The following ADAMTSL4 variants were observed in gnomAD, a reference collection of about 807,000 sequenced individuals.
ADAMTSL4 encodes the protein ADAMTS like 4, also known as ADAMTS-like protein 4.
ADAMTSL4 carries 97 observed loss-of-function variants against 122.8 expected under a neutral mutation model. That is an observed-to-expected ratio of 0.79 (90% confidence interval 0.67 to 0.93). ADAMTSL4 has a LOEUF of 0.93. ADAMTSL4 is among the 40% of genes least tolerant of loss of function. The pLI, the probability that ADAMTSL4 is intolerant of heterozygous loss-of-function variation, is 0.00. For missense variants in ADAMTSL4, 1,408 were observed against 1,453.5 expected (o/e 0.97, Z 0.51); for synonymous variants, 592 against 568.0 (o/e 1.04, Z -0.60).
At chr1:150,550,545 G>A (rs1438221670) in intron 2 of ADAMTSL4, 4 of 372,724 alleles carry the variant, frequency 1.1e-5, no homozygotes, top group Non-Finnish European at 1.6e-5. Context: ...GAGGCAGAGA[G>A]GGCATGAAGA....
chr1:150,553,975 G>A lies in ADAMTSL4; in HGVS notation c.984G>A (p.Leu328=), dbSNP rs1042529569. Residue 328 remains leucine, a synonymous_variant, in exon 6 of 19, where the codon CTG becomes CTA. Transcript: ENST00000271643. The part of the protein sequence containing the change: ...GTGGTPHGPR[L]EPDPQHPGAW... The stretch of plus-strand genomic sequence containing the variant: ...GGGGGACTCCTCACGGGCCCCGCCT[G>A]GAGCCTGACCCTCAGCACCCGGGCG... 6.2e-7 allele frequency: 1 copy of A among 1,611,172 alleles called. No individual in the cohort carries two copies. The highest frequency in any genetic ancestry group is 1.3e-5 in the African/African-American group (1 of 74,874).
In ADAMTSL4 at chr1:150,552,591, G is replaced by A. The variant is rs1300528220; in HGVS notation, c.69G>A (p.Leu23=). The A allele has an allele frequency of 3.1e-6, 5 of 1,613,804 alleles. No homozygotes were observed. Among genetic ancestry groups the A allele is most frequent in the Non-Finnish European group, 3.4e-6 (4 of 1,179,930 alleles). The part of the protein sequence containing the change: ...LLLLSLPQLC[L]DQEVLSGHSL... ...TTCTGTCCCTCCCTCAGCTCTGCTT[G>A]GATCAGGAGGTGAGTTCTGGACAAG... The change falls in exon 4 of 19, where the codon TTG becomes TTA. Residue 23 remains leucine, a synonymous_variant. Coordinates refer to ENST00000271643, the MANE Select transcript of ADAMTSL4 (RefSeq NM_019032.6). This position sits in a 1 kb window ranked among gnomAD's most constrained non-coding sequence, Gnocchi z 4.0.
Position 150,552,028 on chromosome 1 carries a change from GC to G in ADAMTSL4, c.-84-173del. The G allele has an allele frequency of 1.8e-6, 1 of 550,376 alleles. No individual in the cohort carries two copies. The highest frequency in any genetic ancestry group is 3.2e-6 in the Non-Finnish European group (1 of 309,144). 34.1% of individuals were successfully genotyped at this position (550,376 alleles called of 1,614,324 possible). On this transcript the variant is annotated intron_variant, in intron 2 of 18. Transcript: ENST00000271643. The surrounding 1 kb of genome is among the most constrained non-coding windows in gnomAD (Gnocchi z 4.0). ...AGCCTTAGTTGGAGGGCTGAGGTCAGCCCCTGACCATGTAGCCTCTACAGAT... is the reference window on the plus strand; with the variant it reads ...AGCCTTAGTTGGAGGGCTGAGGTCAGCCCTGACCATGTAGCCTCTACAGAT...
In ADAMTSL4 at chr1:150,556,641, C is replaced by T. The variant is rs201262706; in HGVS notation, c.1597C>T (p.Arg533Trp). 8.7e-6 allele frequency: 14 copies of T among 1,614,018 alleles called. No individual in the cohort carries two copies. Among genetic ancestry groups the T allele is most frequent in the East Asian group, 4.5e-5 (2 of 44,868 alleles). Residue 533 changes from arginine to tryptophan, a missense_variant, in exon 10 of 19, where the codon CGG becomes TGG. Physicochemically the swap from Arg to Trp is moderately radical, Grantham distance 101. Coordinates refer to ENST00000271643, the MANE Select transcript of ADAMTSL4 (RefSeq NM_019032.6). The surrounding 1 kb of genome is among the most constrained non-coding windows in gnomAD (Gnocchi z 4.1). ...NYLALRGPGGRSIINGNWAVD... is the reference protein window; with the variant it reads ...NYLALRGPGGWSIINGNWAVD... ...CGCAGCACTTCGTGGCCCTGGGGGC[C>T]GGTCCATCATCAATGGGAACTGGGC...
rs115937511 is a variant in ADAMTSL4, at chr1:150,557,533, C to G, written c.2087C>G (p.Ser696Trp). 2 of 1,612,114 alleles carry G rather than the reference C, an allele frequency of 1.2e-6. No individual in the cohort carries two copies. The highest frequency in any genetic ancestry group is 1.7e-6 in the Non-Finnish European group (2 of 1,179,566). ...RPIFLCISRE[S>W]GEELDERSCA... ...ATTTTCCTCTGCATCTCCCGTGAGT[C>G]GGGAGAGGAACTGGATGAACGCAGC... Residue 696 changes from serine (S) to tryptophan (W), a missense_variant, in exon 13 of 19, where the codon TCG becomes TGG. Physicochemically the swap from Ser to Trp is radical, Grantham distance 177. Transcript: ENST00000271643.
At chr1:150,555,873 A>G in intron 8 of ADAMTSL4, 1 of 601,538 alleles carries the variant, frequency 1.7e-6, no homozygotes, top group Non-Finnish European at 3.0e-6. Context: ...GAACACATGC[A>G]CACATGCACA....
chr1:150,558,522 T>C lies in ADAMTSL4; in HGVS notation c.2432T>C (p.Val811Ala). Residue 811 changes from valine to alanine, a missense_variant, in exon 15 of 19, where the codon GTT (valine) becomes GCT (alanine). By Grantham distance (64) the Val-to-Ala change is moderately conservative. Coordinates refer to ENST00000271643, the MANE Select transcript of ADAMTSL4 (RefSeq NM_019032.6). ...CAGAGAAGCCGGCAGGTTCGCTGTG[T>C]TGGGAACAATGGTGATGAAGTGAGC... Reference protein sequence around the residue: ...RGQRSRQVRCVGNNGDEVSEQ... With the variant: ...RGQRSRQVRCAGNNGDEVSEQ... 1 of 1,613,860 alleles carries C rather than the reference T, an allele frequency of 6.2e-7. No individual in the cohort carries two copies. Among genetic ancestry groups the C allele is most frequent in the East Asian group, 2.2e-5 (1 of 44,878 alleles).
In ADAMTSL4 at chr1:150,553,727, C is replaced by T. The variant is rs752551862; in HGVS notation, c.736C>T (p.Pro246Ser). Residue 246 changes from proline to serine, a missense_variant, in exon 6 of 19, where the codon CCT (proline) becomes TCT (serine). Transcript: ENST00000271643. ...AQTEVAPRTRPAPLRHHPRAQ... is the reference protein window; with the variant it reads ...AQTEVAPRTRSAPLRHHPRAQ... Reference sequence around the variant, plus strand: ...GACAGAGGTGGCCCCCAGAACCAGGCCTGCCCCCCTACGGCATCACCCCAG... The same window carrying T: ...GACAGAGGTGGCCCCCAGAACCAGGTCTGCCCCCCTACGGCATCACCCCAG... The T allele has an allele frequency of 3.7e-6, 6 of 1,613,296 alleles. No homozygotes were observed. In the East Asian group the frequency reaches 1.3e-4, roughly 36 times the overall value.
At chr1:150,555,694 TATGCGCACAGACACATGCACACACGCAC>T in intron 8 of ADAMTSL4, 129 bp downstream of exon 8, 1 of 1,321,596 alleles carries the variant, frequency 7.6e-7, no homozygotes, top group Non-Finnish European at 1.0e-6. Context: ...CACACACGCA[TATGCGCACAGACACATGCACACACGCAC>T]ACACACACAC....
chr1:150,556,599 A>T lies in ADAMTSL4; in HGVS notation c.1577-22A>T. On this transcript the variant is annotated intron_variant, in intron 9 of 18. Coordinates refer to ENST00000271643, the MANE Select transcript of ADAMTSL4 (RefSeq NM_019032.6). The surrounding 1 kb of genome is among the most constrained non-coding windows in gnomAD (Gnocchi z 4.1). ...GGTATTATCACCCTGGAATTTCCCG[A>T]TCTCTCACCTCTGACCCGCAGCACT... The T allele has an allele frequency of 6.2e-7, 1 of 1,613,780 alleles. No individual in the cohort carries two copies. Among genetic ancestry groups the T allele is most frequent in the South Asian group, 1.1e-5 (1 of 91,066 alleles).
chr1:150,552,429 GCTTT>G lies in ADAMTSL4; in HGVS notation c.21-111_21-108del, dbSNP rs755417154. 1.2e-5 allele frequency: 19 copies of G among 1,557,510 alleles called. No homozygotes were observed. The highest frequency in any genetic ancestry group is 1.7e-4 in the Middle Eastern group (1 of 5,998). On this transcript the variant is annotated intron_variant, in intron 3 of 18. Coordinates refer to ENST00000271643, the MANE Select transcript of ADAMTSL4 (RefSeq NM_019032.6). The surrounding 1 kb of genome is among the most constrained non-coding windows in gnomAD (Gnocchi z 4.0). ...GCAGGGGAAGTGATGAGTAACTTCTGCTTTCTGAGAAGTTGGTAGTCAGGATATG... is the reference window on the plus strand; with the variant it reads ...GCAGGGGAAGTGATGAGTAACTTCTGCTGAGAAGTTGGTAGTCAGGATATG...
Position 150,553,622 on chromosome 1 carries a change from C to G in ADAMTSL4, c.631C>G (p.Gln211Glu), listed in dbSNP as rs1292852926. Residue 211 changes from glutamine (Q) to glutamate (E), a missense_variant, in exon 6 of 19, where the codon CAA becomes GAA. By Grantham distance (29) the Gln-to-Glu change is conservative. Coordinates refer to ENST00000271643, the MANE Select transcript of ADAMTSL4 (RefSeq NM_019032.6). Reference sequence around the variant, plus strand: ...GCCATTCTCCGCAAACGGCAGCCCCCAAACTGAGCTCCCTCCCACAGAACT... The same window carrying G: ...GCCATTCTCCGCAAACGGCAGCCCCGAAACTGAGCTCCCTCCCACAGAACT... ...AEPFSANGSPQTELPPTELSV... is the reference protein window; with the variant it reads ...AEPFSANGSPETELPPTELSV... 6.2e-7 allele frequency: 1 copy of G among 1,613,836 alleles called. No homozygotes were observed. Among genetic ancestry groups the G allele is most frequent in the East Asian group, 2.2e-5 (1 of 44,832 alleles).
In ADAMTSL4 at chr1:150,559,593, T is replaced by C; in HGVS notation, c.2943+127T>C. 6.4e-7 allele frequency: 1 copy of C among 1,552,702 alleles called. No homozygotes were observed. The highest frequency in any genetic ancestry group is 8.8e-7 in the Non-Finnish European group (1 of 1,139,830). On this transcript the variant is annotated intron_variant, in intron 17 of 18. Coordinates refer to ENST00000271643, the MANE Select transcript of ADAMTSL4 (RefSeq NM_019032.6). The surrounding 1 kb of genome is among the most constrained non-coding windows in gnomAD (Gnocchi z 4.1). ...TAAGCCCAGCCAAGCGTTACCACTG[T>C]CCTACTTCTTATAGACTTGGAGGAA... is the stretch of plus-strand genomic sequence containing the variant.
intron 2 of ADAMTSL4, chr1:150,550,945 C>A (rs984602196): frequency 2.2e-6 from 1 of 456,372 alleles, no homozygotes. Context: ...AATGCGAGGG[C>A]TCCCTGGATT....
In ADAMTSL4 at chr1:150,557,023, G is replaced by A. The variant is rs1672205945; in HGVS notation, c.1834G>A (p.Glu612Lys). ...PPPILENPTP[E>K]PPVPQLQPEI... is the part of the protein sequence containing the mutation. ...TCCAATCCTTGAGAACCCCACCCCA[G>A]AGCCCCCTGTCCCCCAGCTTCAGCC... Residue 612 changes from glutamate (E) to lysine (K), a missense_variant, in exon 11 of 19, where the codon GAG becomes AAG. Glu to Lys is a moderately conservative substitution (Grantham distance 56). Transcript: ENST00000271643. 2 of 1,609,024 alleles carry A rather than the reference G, an allele frequency of 1.2e-6. No homozygotes were observed. The highest frequency in any genetic ancestry group is 1.7e-6 in the Non-Finnish European group (2 of 1,177,882).
Position 150,556,577 on chromosome 1 carries a change from A to G in ADAMTSL4, c.1577-44A>G, listed in dbSNP as rs1322877739. The G allele has an allele frequency of 3.1e-6, 5 of 1,612,622 alleles. No individual in the cohort carries two copies. Among genetic ancestry groups the G allele is most frequent in the Non-Finnish European group, 4.2e-6 (5 of 1,179,238 alleles). On this transcript the variant is annotated intron_variant, in intron 9 of 18. Transcript: ENST00000271643. The surrounding 1 kb of genome is among the most constrained non-coding windows in gnomAD (Gnocchi z 4.1). ...GGACACGGTGTGGGAGGAGGAAGGT[A>G]TTATCACCCTGGAATTTCCCGATCT...
Position 150,555,417 on chromosome 1 carries a change from C to A in ADAMTSL4, c.1235-12C>A, listed in dbSNP as rs751424524. 29 of 1,613,868 alleles carry A rather than the reference C, an allele frequency of 1.8e-5. No homozygotes were observed. Among genetic ancestry groups the A allele is most frequent in the African/African-American group, 2.7e-5 (2 of 74,930 alleles). Reference sequence around the variant, plus strand: ...GGGAGCCCACTAACCACCCTTCTACCCTGTCCCTTAGTCCAGGGCTCCCAG... The same window carrying A: ...GGGAGCCCACTAACCACCCTTCTACACTGTCCCTTAGTCCAGGGCTCCCAG... On this transcript the variant is annotated splice_polypyrimidine_tract_variant and intron_variant, in intron 7 of 18. Coordinates refer to ENST00000271643, the MANE Select transcript of ADAMTSL4 (RefSeq NM_019032.6).
intron 11 of ADAMTSL4, 38 bp downstream of exon 11, chr1:150,557,088 G>A: frequency 2.5e-6 from 4 of 1,612,754 alleles, no homozygotes; most frequent in Non-Finnish European, 3.4e-6. Flanking sequence ...GGAGGAGGGA[G>A]AGGCTGCAGG....
At position 150,557,306 on chromosome 1, in the gene ADAMTSL4, ACT is replaced by A. The variant is rs757032537; in HGVS notation, c.2021_2022del (p.Ser674CysfsTer21). 86 of 1,611,754 alleles carry A rather than the reference ACT, an allele frequency of 5.3e-5. No homozygotes were observed. The highest frequency in any genetic ancestry group is 6.8e-5 in the Non-Finnish European group (80 of 1,179,414). The stretch of plus-strand genomic sequence containing the variant: ...GCTGCGTACTGGAAACGAGTGGGAC[ACT>A]CTGCATGCTCAGCGTCCTGCGGGAA... On this transcript the variant is annotated frameshift_variant, in exon 12 of 19. Coordinates refer to ENST00000271643, the MANE Select transcript of ADAMTSL4 (RefSeq NM_019032.6). LOFTEE classifies it high-confidence loss of function.
Sources: allele counts gnomAD v4.1 joint callset, GRCh38; gene constraint gnomAD v4.1.1; non-coding constraint Gnocchi (gnomAD v3.1); transcripts MANE v1.5; gene names NCBI Gene and HGNC (gene_info 2026-07-23, HGNC 2026-07-21).